IL4I1: variants seen among roughly 807,000 people sequenced by gnomAD.
IL4I1 encodes the protein L-amino-acid oxidase.
Under a neutral mutation model 29.7 loss-of-function variants are expected in IL4I1, and 24 were observed. The ratio of observed to expected loss-of-function variants is 0.81; its 90% confidence interval spans 0.59 to 1.14. The LOEUF is 1.14. Among genes scored for constraint, IL4I1 ranks in the 50% most tolerant of loss-of-function variants. The pLI is 0.00. For synonymous variants in IL4I1, 371 were observed against 352.5 expected (o/e 1.05, Z -0.59); for missense variants, 686 against 785.6 (o/e 0.87, Z 1.52).
At chr19:49,891,197 C>T (rs1430332836) in intron 6 of IL4I1, 90 bp from the exon 7 acceptor site, 1 of 1,544,710 alleles carries the variant, frequency 6.5e-7, no homozygotes, top group African/African-American at 1.4e-5. Context: ...GGTCCCATGA[C>T]ATGTCCTTGG....
Position 49,895,835 on chromosome 19 carries a change from G to A in IL4I1, c.232C>T (p.Leu78Phe). Residue 78 changes from leucine (L) to phenylalanine (F), a missense_variant, in exon 3 of 8, where the codon CTC becomes TTC. Physicochemically the swap from Leu to Phe is conservative, Grantham distance 22. Transcript: ENST00000391826. ...CCCACCTTGTGTCCAGCATCGCTGAGCACCTTGGCGGCCACCAGCCCGGCC... is the reference window on the plus strand; with the variant it reads ...CCCACCTTGTGTCCAGCATCGCTGAACACCTTGGCGGCCACCAGCCCGGCC... ...GVAGLVAAKVLSDAGHKVTIL... is the reference protein window; with the variant it reads ...GVAGLVAAKVFSDAGHKVTIL... 6.2e-7 allele frequency: 1 copy of A among 1,614,116 alleles called. No individual in the cohort carries two copies. Among genetic ancestry groups the A allele is most frequent in the Non-Finnish European group, 8.5e-7 (1 of 1,180,024 alleles).
Position 49,890,305 on chromosome 19 carries a change from G to T in IL4I1, c.1069C>A (p.Leu357Ile). ...LHYVPATKVF[L>I]SFRRPFWREE... ...CGCCAGAAGGGCCTGCGGAAGCTTA[G>T]GAACACCTTGGTGGCCGGCACGTAG... is the stretch of plus-strand genomic sequence containing the variant. The change falls in exon 8 of 8, where the codon CTA becomes ATA. Residue 357 changes from leucine to isoleucine, a missense_variant. By Grantham distance (5) the Leu-to-Ile change is conservative. Coordinates refer to ENST00000391826, the MANE Select transcript of IL4I1 (RefSeq NM_152899.2). 1 of 1,606,312 alleles carries T rather than the reference G, an allele frequency of 6.2e-7. No individual in the cohort carries two copies.
In IL4I1 at chr19:49,921,813, T is replaced by C. The variant is rs553904140; in HGVS notation, c.-228+5881A>G. ...AGTGCTGGCTGGGCTCAAGCCCGGG[T>C]ACTTTCCTCCGTGCCCAAGCAACCC... is the stretch of plus-strand genomic sequence containing the variant. On this transcript the variant is annotated intron_variant, in intron 2 of 9. Transcript: ENST00000341114. The surrounding 1 kb of genome is among the most constrained non-coding windows in gnomAD (Gnocchi z 5.4). Among the ~76,000 whole-genome samples the C allele has an allele frequency of 6.6e-6, 1 of 152,276 alleles. No individual in the cohort carries two copies. The highest frequency in any genetic ancestry group is 2.1e-4 in the South Asian group (1 of 4,828).
At chr19:49,914,729 T>TTTTG (rs2075577669) in intron 2 of IL4I1, among the ~76,000 whole-genome samples, 4 of 93,014 alleles carry the variant, frequency 4.3e-5, no homozygotes, top group Admixed American at 4.1e-4. Context: ...AGTCCCAGTT[T>TTTTG]TTTTTTTTTT....
rs1197306196 is a variant in IL4I1 at position 49,918,903 on chromosome 19, G to T, written c.-228+8791C>A. Among the ~76,000 whole-genome samples, 416 of 149,174 alleles carry T rather than the reference G, an allele frequency of 2.8e-3. 2 individuals carry two copies. Among genetic ancestry groups the T allele is most frequent in the Non-Finnish European group, 4.4e-3 (294 of 67,246 alleles). ...CCAGCACTTTGGGAGGCTGGGGGGGGGGGGGCGGGGTGTGGGGGGGCGGAT... is the reference window on the plus strand; with the variant it reads ...CCAGCACTTTGGGAGGCTGGGGGGGTGGGGGCGGGGTGTGGGGGGGCGGAT... On this transcript the variant is annotated intron_variant, in intron 2 of 9. Coordinates refer to the IL4I1 transcript ENST00000341114.
At chr19:49,909,424 G>A (rs753176320) in intron 2 of IL4I1, 13 of 1,613,780 alleles carry the variant, frequency 8.1e-6, no homozygotes, top group South Asian at 4.4e-5. Context: ...TGGAGGTGAC[G>A]GTGCTCGATA....
Position 49,890,388 on chromosome 19 carries a change from C to G in IL4I1, c.986G>C (p.Arg329Pro), listed in dbSNP as rs1431555461. 1 of 1,603,822 alleles carries G rather than the reference C, an allele frequency of 6.2e-7. No homozygotes were observed. The highest frequency in any genetic ancestry group is 8.5e-7 in the Non-Finnish European group (1 of 1,176,784). The change falls in exon 8 of 8, where the codon CGC becomes CCC. Residue 329 changes from arginine to proline, a missense_variant. Arg to Pro is a moderately radical substitution (Grantham distance 103, BLOSUM62 -2). Transcript: ENST00000391826. ...LLTASGPAVK[R>P]ITFSPPLPRH... ...GGGCAGCGGCGGCGAGAAGGTGATG[C>G]GCTTCACCGCCGGTCCGCTCGCCGT...
intron 2 of IL4I1, among the ~76,000 whole-genome samples, chr19:49,923,965 C>T (rs1224351793): frequency 2.0e-5 from 3 of 152,220 alleles, no homozygotes; most frequent in Admixed American, 6.5e-5. Flanking sequence ...ATGCAAAACT[C>T]GGAGCCTTTT....
Position 49,890,089 on chromosome 19 carries a change from G to T in IL4I1, c.1285C>A (p.Pro429Thr). 6.5e-7 allele frequency: 1 copy of T among 1,546,630 alleles called. No homozygotes were observed. The highest frequency in any genetic ancestry group is 8.7e-7 in the Non-Finnish European group (1 of 1,146,342). ...CCGTCCCAGAGCTGGCGCACGACAG[G>T]CCCGTGCAATGCCGCCACGTCGTCG... is the stretch of plus-strand genomic sequence containing the variant. ...ALDDVAALHG[P>T]VVRQLWDGTG... The change falls in exon 8 of 8, where the codon CCT becomes ACT. Residue 429 changes from proline (P) to threonine (T), a missense_variant. Coordinates refer to ENST00000391826, the MANE Select transcript of IL4I1 (RefSeq NM_152899.2).
chr19:49,920,213 G>A (rs1426556420), intron 2 of IL4I1, among the ~76,000 whole-genome samples: 7 of 152,168 alleles, frequency 4.6e-5, no homozygotes, highest in Non-Finnish European at 7.3e-5. Context: ...CTCCCAAGTA[G>A]CTGGGACTAC....
Position 49,890,613 on chromosome 19 carries a change from C to CGGGGCGGGGT in IL4I1, c.774-23_774-14dup, listed in dbSNP as rs746182762. The CGGGGCGGGGT allele has an allele frequency of 9.3e-6, 11 of 1,185,924 alleles. No individual in the cohort carries two copies. In the East Asian group the frequency reaches 2.8e-4, roughly 31 times the overall value. The allele number at this position is 1,185,924 out of a possible 1,614,324, so 73.5% of individuals were successfully genotyped here. A position where few individuals can be genotyped will look rare whatever the true frequency, so the allele number is the denominator to read the frequency against. ...GATGCGGCTGTACCTGCAGGCGGGG[C>CGGGGCGGGGT]GGGGCGGGGTGGGGGCGTGACCTGG... On this transcript the variant is annotated splice_polypyrimidine_tract_variant and intron_variant, in intron 7 of 7. Coordinates refer to ENST00000391826, the MANE Select transcript of IL4I1 (RefSeq NM_152899.2).
chr19:49,905,397 G>A (rs1444076017), intron 2 of IL4I1, among the ~76,000 whole-genome samples: 1 of 152,124 alleles, frequency 6.6e-6, no homozygotes, highest in Non-Finnish European at 1.5e-5. Context: ...GGGGACTCAA[G>A]GCCTCCCTTC....
intron 3 of IL4I1, 143 bp from the exon 4 acceptor site, chr19:49,895,323 A>G: frequency 1.7e-6 from 1 of 602,764 alleles, no homozygotes; most frequent in African/African-American, 3.1e-5. Context: ...CCCCTTCTGT[A>G]TGGAGGTGGG....
intron 2 of IL4I1, chr19:49,906,736 T>C (rs567002138): frequency 1.3e-5 from 2 of 152,396 alleles, no homozygotes; most frequent in Admixed American, 1.3e-4. Flanking sequence ...GTGCGTTTCA[T>C]GTGAATGGCA....
chr19:49,922,711 GA>G (rs879873471), intron 2 of IL4I1, among the ~76,000 whole-genome samples: 3,585 of 144,214 alleles, frequency 0.025, 144 homozygotes, highest in African/African-American at 0.084. Context: ...GGATCTCACA[GA>G]AAAAAAAAAA....
chr19:49,904,360 C>G (rs547372701), intron 2 of IL4I1: 88 of 152,222 alleles, frequency 5.8e-4, no homozygotes, highest in African/African-American at 2.1e-3. Flanking sequence ...AGCCATCACC[C>G]GCGGTGGCAC....
In IL4I1 at chr19:49,920,836, CG is replaced by C. The variant is rs529610760; in HGVS notation, c.-228+6857del. 1.9e-4 allele frequency among the ~76,000 whole-genome samples: 29 copies of C among 152,232 alleles called. No homozygotes were observed. In the South Asian group the frequency reaches 2.7e-3, roughly 14 times the overall value. ...GAGAGCAGCGGACAGGCGTGTGTGG[CG>C]GGGGAGGAACGGCGCACACCTGTGC... On this transcript the variant is annotated intron_variant, in intron 2 of 9. Transcript: ENST00000341114.
chr19:49,919,426 T>A (rs1286953341), intron 2 of IL4I1, among the ~76,000 whole-genome samples: 1 of 152,198 alleles, frequency 6.6e-6, no homozygotes, highest in Non-Finnish European at 1.5e-5. Context: ...GAAATCGTTT[T>A]AAGCAGGCTT....
In IL4I1 at chr19:49,896,168, G is replaced by A. The variant is rs753716642; in HGVS notation, c.-8C>T. The A allele has an allele frequency of 6.6e-6, 10 of 1,519,958 alleles. No homozygotes were observed. The East Asian group carries it at 7.2e-5, about 11-fold the overall frequency. 94.2% of individuals were successfully genotyped at this position (1,519,958 alleles called of 1,614,324 possible). On this transcript the variant is annotated 5_prime_UTR_variant, in exon 2 of 8. Transcript: ENST00000391826. ...CTCACCCAATGGGGCCATGACTCTC[G>A]GTGGGAGATGGTGTCTGGGGTGGAG...
Sources: allele counts gnomAD v4.1 joint callset (sites outside exome capture counted in the v4.1 genomes callset), GRCh38; gene constraint gnomAD v4.1.1; non-coding constraint Gnocchi (gnomAD v3.1); transcripts MANE v1.5; gene names NCBI Gene and HGNC (gene_info 2026-07-23, HGNC 2026-07-21).